The following POLR3H variants were observed in gnomAD, a reference collection of about 807,000 sequenced individuals.
POLR3H encodes the protein DNA-directed RNA polymerase III subunit RPC8.
Under a neutral mutation model 25.5 loss-of-function variants are expected in POLR3H, and 17 were observed. The observed-to-expected ratio is 0.67, with a 90% confidence interval of 0.46 to 1.00. The LOEUF (loss-of-function observed/expected upper bound fraction) is 1.00, where lower values mean the gene tolerates loss of function less well. Ranked by LOEUF, POLR3H falls within the 50% of genes least tolerant of loss-of-function variation. The probability of loss-of-function intolerance (pLI) is 0.00; values close to 1 mark genes in which losing one functional copy is unlikely to be tolerated. For synonymous variants in POLR3H, 129 were observed against 103.0 expected (o/e 1.25, Z -1.53); for missense variants, 274 against 265.0 (o/e 1.03, Z -0.24).
chr22:41,532,667 CCTT>C lies in POLR3H; in HGVS notation c.284_286del (p.Glu95del), dbSNP rs780572942. On this transcript the variant is annotated inframe_deletion, in exon 3 of 6. Transcript: ENST00000355209. ...GTCAGGGCCACTGTTACCGTGCACT[CCTT>C]CTGGGCTGCAGCCTTTGATCTTCCC... 3 of 1,614,126 alleles carry C rather than the reference CCTT, an allele frequency of 1.9e-6. No homozygotes were observed. Among genetic ancestry groups the C allele is most frequent in the South Asian group, 2.2e-5 (2 of 91,084 alleles).
Position 41,528,495 on chromosome 22 carries a change from TCAAG to T in POLR3H, c.*784_*787del. The T allele has an allele frequency of 6.2e-7, 1 of 1,612,302 alleles. No individual in the cohort carries two copies. Among genetic ancestry groups the T allele is most frequent in the South Asian group, 1.1e-5 (1 of 91,008 alleles). ...TCCTTGCAGCCCCTGAAGTGCATCA[TCAAG>T]CACCCCAACGGGACCCAGGAGACCA... On this transcript the variant is annotated 3_prime_UTR_variant, in exon 6 of 6. Transcript: ENST00000355209.
chr22:41,537,989 A>G (rs2066875755), intron 2 of POLR3H, among the ~76,000 whole-genome samples: 1 of 143,502 alleles, frequency 7.0e-6, no homozygotes, highest in South Asian at 2.2e-4. Flanking sequence ...TTTTTGAGAT[A>G]CAGTCTCACC....
chr22:41,533,720 A>G, intron 2 of POLR3H: 1 of 1,304,016 alleles, frequency 7.7e-7, no homozygotes. Flanking sequence ...CATCACAGCC[A>G]CCATGAAGAT....
intron 1 of POLR3H, among the ~76,000 whole-genome samples, chr22:41,541,222 G>A (rs917593037): frequency 1.3e-5 from 2 of 152,174 alleles, no homozygotes; most frequent in Non-Finnish European, 2.9e-5. Context: ...TACTAGTGAG[G>A]ACCAGTGACA....
chr22:41,533,624 C>T (rs1244497482), intron 2 of POLR3H: 3 of 1,303,388 alleles, frequency 2.3e-6, no homozygotes, highest in South Asian at 1.2e-5. Context: ...AACATGCCCC[C>T]CAGGACGGCA....
rs2066716179 is a variant in POLR3H at position 41,530,887 on chromosome 22, C to A, written c.361G>T (p.Asp121Tyr). The part of the protein sequence containing the change: ...PESLQQPAKF[D>Y]EAEQVWVWEY... Reference sequence around the variant, plus strand: ...CACACCCACACCTGCTCCGCTTCGTCGCTGAGGGGGTCCAGGGTCAAGGCA... The same window carrying A: ...CACACCCACACCTGCTCCGCTTCGTAGCTGAGGGGGTCCAGGGTCAAGGCA... The change falls in exon 5 of 6, where the codon GAC becomes TAC. Residue 121 changes from aspartate to tyrosine, a missense_variant and splice_region_variant. Physicochemically the swap from Asp to Tyr is radical, Grantham distance 160 (BLOSUM62 -3). Transcript: ENST00000355209. 6.2e-7 allele frequency: 1 copy of A among 1,613,534 alleles called. No homozygotes were observed. The highest frequency in any genetic ancestry group is 1.3e-5 in the African/African-American group (1 of 74,932).
At chr22:41,538,472 C>G (rs1378462149) in intron 2 of POLR3H, among the ~76,000 whole-genome samples, 6 of 152,148 alleles carry the variant, frequency 3.9e-5, no homozygotes, top group Non-Finnish European at 8.8e-5. Flanking sequence ...GTTGGCCAGG[C>G]TGGTCTAGAA....
intron 2 of POLR3H, chr22:41,533,769 G>T (rs2066791488): frequency 5.0e-6 from 6 of 1,201,266 alleles, no homozygotes; most frequent in Non-Finnish European, 6.7e-6. Context: ...AGCAGATGAG[G>T]GCGGCCAAGG....
In POLR3H at chr22:41,527,821, C is replaced by G. The variant is rs2066634997; in HGVS notation, c.*1462G>C. The G allele has an allele frequency of 6.2e-7, 1 of 1,603,708 alleles. No individual in the cohort carries two copies. The highest frequency in any genetic ancestry group is 8.5e-7 in the Non-Finnish European group (1 of 1,174,584). ...AGGCAGCAGGATTAGGGGCATCTCC[C>G]AGAGCCCCAGATGGGTTCAGAAAAT... On this transcript the variant is annotated 3_prime_UTR_variant, in exon 6 of 6. Coordinates refer to ENST00000355209, the MANE Select transcript of POLR3H (RefSeq NM_001018050.4).
Position 41,527,188 on chromosome 22 carries a change from A to C in POLR3H, c.*2095T>G. On this transcript the variant is annotated 3_prime_UTR_variant, in exon 6 of 6. Coordinates refer to ENST00000355209, the MANE Select transcript of POLR3H (RefSeq NM_001018050.4). ...CAGCCCCTTTACCGGGAGCCTCAGG[A>C]TGCCCAGGCGCCAGGTGGGTGAGGC... 1.3e-6 allele frequency: 2 copies of C among 1,576,552 alleles called. No individual in the cohort carries two copies.
intron 1 of POLR3H, among the ~76,000 whole-genome samples, chr22:41,541,763 C>G (rs1169972881): frequency 1.3e-5 from 2 of 152,232 alleles, no homozygotes; most frequent in African/African-American, 4.8e-5. Context: ...CATCCCCCAA[C>G]AGACCCTCAT....
chr22:41,527,266 CT>C lies in POLR3H; in HGVS notation c.*2016del. On this transcript the variant is annotated 3_prime_UTR_variant, in exon 6 of 6. Transcript: ENST00000355209. ...ACGGTGCCCTCCTCTGCCTTATAAC[CT>C]TACCCCCGCTTGCCTGACAGAAACA... is the stretch of plus-strand genomic sequence containing the variant. The C allele has an allele frequency of 6.2e-7, 1 of 1,614,110 alleles. No individual in the cohort carries two copies. The highest frequency in any genetic ancestry group is 8.5e-7 in the Non-Finnish European group (1 of 1,179,986).
At position 41,532,159 on chromosome 22, in the gene POLR3H, TGGAA is replaced by T. The variant is rs745398677; in HGVS notation, c.296-6_296-3del. Reference sequence around the variant, plus strand: ...TGTCATCGAAGAAGCCTAGAGAGACTGGAAGGAAGGAAGCAGGTGACGGCCTGAG... The same window carrying T: ...TGTCATCGAAGAAGCCTAGAGAGACTGGAAGGAAGCAGGTGACGGCCTGAG... On this transcript the variant is annotated splice_region_variant and splice_polypyrimidine_tract_variant and intron_variant, in intron 3 of 5. Transcript: ENST00000355209. 7.6e-5 allele frequency: 123 copies of T among 1,613,814 alleles called. 2 individuals are homozygous for T. The highest frequency in any genetic ancestry group is 4.0e-4 in the South Asian group (36 of 91,072).
chr22:41,537,514 A>T (rs2066867628), intron 2 of POLR3H, among the ~76,000 whole-genome samples: 1 of 152,206 alleles, frequency 6.6e-6, no homozygotes, highest in Admixed American at 6.5e-5. Context: ...AAAGCATGGC[A>T]ATTGGTTCCC....
At chr22:41,541,625 G>C (rs2066930751) in intron 1 of POLR3H, among the ~76,000 whole-genome samples, 1 of 152,168 alleles carries the variant, frequency 6.6e-6, no homozygotes, top group Non-Finnish European at 1.5e-5. Flanking sequence ...GGATTTCTGT[G>C]TGGGCCCCCT....
intron 2 of POLR3H, among the ~76,000 whole-genome samples, chr22:41,533,328 T>G (rs2066780156): frequency 6.6e-6 from 1 of 152,158 alleles, no homozygotes; most frequent in South Asian, 2.1e-4. Flanking sequence ...TAGCTGTATG[T>G]CACCTTGTCA....
chr22:41,533,460 G>C, intron 2 of POLR3H: 1 of 1,143,660 alleles, frequency 8.7e-7, no homozygotes, highest in South Asian at 1.6e-5. Flanking sequence ...GTGGCTCAGA[G>C]CCAGGGTGAC....
intron 2 of POLR3H, among the ~76,000 whole-genome samples, chr22:41,534,479 G>A (rs1410093635): frequency 6.6e-6 from 1 of 152,202 alleles, no homozygotes. Flanking sequence ...TTCATGTACA[G>A]TGTCCAGAAC....
In POLR3H at chr22:41,544,331, G is replaced by T; in HGVS notation, c.-230C>A. The T allele has an allele frequency of 2.4e-6, 1 of 414,936 alleles. No homozygotes were observed. Among genetic ancestry groups the T allele is most frequent in the Non-Finnish European group, 4.3e-6 (1 of 232,960 alleles). 25.7% of individuals were successfully genotyped at this position (414,936 alleles called of 1,614,324 possible). ...ACTCTCCGTCCACAGCTCCGGGTGC[G>T]CGCCCGCGCCGCGAGACCCCGCCAC... is the stretch of plus-strand genomic sequence containing the variant. On this transcript the variant is annotated 5_prime_UTR_variant, in exon 1 of 6. Transcript: ENST00000355209.
Sources: allele counts gnomAD v4.1 joint callset (sites outside exome capture counted in the v4.1 genomes callset), GRCh38; gene constraint gnomAD v4.1.1; transcripts MANE v1.5; gene names NCBI Gene and HGNC (gene_info 2026-07-23, HGNC 2026-07-21).